CSMD3: variants seen among roughly 807,000 people sequenced by gnomAD.
The protein encoded by CSMD3 is CUB and Sushi multiple domains 3.
In CSMD3, 177 loss-of-function variants were observed where a neutral mutation model predicts 435.2. That is an observed-to-expected ratio of 0.41 (90% CI 0.36 to 0.46). CSMD3 has a LOEUF of 0.46. Ranked by LOEUF, CSMD3 falls within the 20% of genes least tolerant of loss-of-function variation. The pLI is 0.34. For synonymous variants in CSMD3, 1,656 were observed against 1,520.5 expected (o/e 1.09, Z -2.07); for missense variants, 4,265 against 4,504.6 (o/e 0.95, Z 1.52).
intron 1 of CSMD3, among the ~76,000 whole-genome samples, chr8:113,319,301 A>G (rs2093932935): frequency 6.6e-6 from 1 of 151,956 alleles, no homozygotes; most frequent in African/African-American, 2.4e-5. Flanking sequence ...GCATTTCTTT[A>G]AAGATTAATT....
At chr8:112,990,103 G>A (rs1306867240) in intron 6 of CSMD3, among the ~76,000 whole-genome samples, 2 of 151,982 alleles carry the variant, frequency 1.3e-5, no homozygotes. Flanking sequence ...ACGTGGAAAT[G>A]TGAGTCAATT....
At chr8:113,012,026 G>A (rs913862147) in intron 6 of CSMD3, among the ~76,000 whole-genome samples, 4 of 151,568 alleles carry the variant, frequency 2.6e-5, no homozygotes, top group Non-Finnish European at 4.4e-5. Context: ...AGCATTGAAG[G>A]AAACTTGAAG....
At chr8:112,785,729 G>A (rs1299459717) in intron 13 of CSMD3, among the ~76,000 whole-genome samples, 1 of 151,878 alleles carries the variant, frequency 6.6e-6, no homozygotes, top group Non-Finnish European at 1.5e-5. Context: ...TTTAATCAAA[G>A]AAGTGAAAGA....
chr8:112,365,709 C>A (rs543724632), intron 38 of CSMD3, among the ~76,000 whole-genome samples: 1 of 152,014 alleles, frequency 6.6e-6, no homozygotes, highest in Non-Finnish European at 1.5e-5. Flanking sequence ...ATGGGAACAA[C>A]GCACCCAAAC....
chr8:113,377,616 A>C (rs1432898023), intron 1 of CSMD3, among the ~76,000 whole-genome samples: 2 of 152,178 alleles, frequency 1.3e-5, no homozygotes, highest in Non-Finnish European at 2.9e-5. Context: ...GACGGTATTT[A>C]TAAAACTTGC....
chr8:112,439,144 T>C (rs1158029891), intron 32 of CSMD3, among the ~76,000 whole-genome samples: 1 of 152,154 alleles, frequency 6.6e-6, no homozygotes, highest in Non-Finnish European at 1.5e-5. Flanking sequence ...TACTTTTGTT[T>C]TGTTTGTTTT....
chr8:112,522,193 G>A (rs1223975944), intron 27 of CSMD3, among the ~76,000 whole-genome samples: 1 of 151,544 alleles, frequency 6.6e-6, no homozygotes, highest in Non-Finnish European at 1.5e-5. Flanking sequence ...TGTACCCATG[G>A]CTAAAATTCT....
At chr8:112,348,856 C>G (rs1391599716) in intron 40 of CSMD3, among the ~76,000 whole-genome samples, 4 of 151,952 alleles carry the variant, frequency 2.6e-5, no homozygotes, top group South Asian at 2.1e-4. Flanking sequence ...TGTTTTGTTA[C>G]ATTTTATTTC....
chr8:112,537,739 A>AT (rs922914597), intron 27 of CSMD3, among the ~76,000 whole-genome samples: 14 of 151,628 alleles, frequency 9.2e-5, no homozygotes, highest in African/African-American at 2.4e-4. Context: ...AAAAAAAAAA[A>AT]GTCCCCCATC....
intron 7 of CSMD3, among the ~76,000 whole-genome samples, chr8:112,970,008 A>G (rs1302558641): frequency 6.6e-6 from 1 of 152,082 alleles, no homozygotes; most frequent in Non-Finnish European, 1.5e-5. Context: ...GAATGAATCA[A>G]TACTAGTCTA....
chr8:112,223,017 A>G lies in CSMD3; in HGVS notation c.*1754T>C. On this transcript the variant is annotated 3_prime_UTR_variant, in exon 71 of 71. Coordinates refer to ENST00000297405, the MANE Select transcript of CSMD3 (RefSeq NM_198123.2). ...TTACAAAGTTTCTTTTCATAAAAAT[A>G]TACTTCTTTACAAAAGTGTATGCAT... 3 of 398,392 alleles carry G rather than the reference A, an allele frequency of 7.5e-6. No homozygotes were observed. Among genetic ancestry groups the G allele is most frequent in the East Asian group, 7.2e-5 (2 of 27,960 alleles). 24.7% of individuals were successfully genotyped at this position (398,392 alleles called of 1,614,324 possible). A position where few individuals can be genotyped will look rare whatever the true frequency, so the allele number is the denominator to read the frequency against.
intron 31 of CSMD3, among the ~76,000 whole-genome samples, chr8:112,484,821 T>C (rs1819964514): frequency 6.6e-6 from 1 of 152,036 alleles, no homozygotes; most frequent in South Asian, 2.1e-4. Context: ...GCATTTTGGA[T>C]TTGGGATTTT....
At chr8:113,022,895 C>A (rs1193979638) in intron 5 of CSMD3, among the ~76,000 whole-genome samples, 1 of 125,672 alleles carries the variant, frequency 8.0e-6, no homozygotes, top group Admixed American at 9.0e-5. Context: ...ATTTTTAGTT[C>A]TCCAATTTAC....
chr8:112,358,360 T>G (rs1005860267), intron 38 of CSMD3, among the ~76,000 whole-genome samples: 4 of 152,176 alleles, frequency 2.6e-5, no homozygotes, highest in African/African-American at 7.2e-5. Flanking sequence ...AATGCTGAAA[T>G]TAGTTAAGAC....
At chr8:112,272,197 C>A (rs932647727) in intron 59 of CSMD3, among the ~76,000 whole-genome samples, 1 of 152,174 alleles carries the variant, frequency 6.6e-6, no homozygotes, top group African/African-American at 2.4e-5. Flanking sequence ...TAGTATTTAA[C>A]CCTGTCTCAG....
At chr8:112,773,821 T>A (rs1300728808) in intron 13 of CSMD3, among the ~76,000 whole-genome samples, 3 of 152,030 alleles carry the variant, frequency 2.0e-5, no homozygotes, top group Non-Finnish European at 2.9e-5. Context: ...AGACGAAAAG[T>A]ATATAAATAT....
intron 5 of CSMD3, among the ~76,000 whole-genome samples, chr8:113,023,599 A>G (rs1019242533): frequency 2.0e-5 from 3 of 152,066 alleles, no homozygotes; most frequent in African/African-American, 2.4e-5. Context: ...CTTTCATCTT[A>G]TCCCTGGAAC....
intron 32 of CSMD3, among the ~76,000 whole-genome samples, chr8:112,426,695 T>C (rs1813101320): frequency 6.6e-6 from 1 of 152,218 alleles, no homozygotes; most frequent in Non-Finnish European, 1.5e-5. Flanking sequence ...TATGCACTGC[T>C]TATTCTGGTC....
intron 13 of CSMD3, among the ~76,000 whole-genome samples, chr8:112,787,156 C>G (rs2078565772): frequency 6.6e-6 from 1 of 152,058 alleles, no homozygotes; most frequent in Admixed American, 6.6e-5. Context: ...GGGTTGGTTC[C>G]AAGTCTTTGC....
Sources: gnomAD v4.1 joint callset for allele counts (sites outside exome capture counted in the v4.1 genomes callset) on GRCh38, gnomAD v4.1.1 for gene constraint, MANE v1.5 for transcripts, NCBI Gene and HGNC (gene_info 2026-07-23, HGNC 2026-07-21) for gene names.